Variants in CELF5 observed in about 807,000 individuals in gnomAD.
The protein encoded by CELF5 is CUG-BP and ETR-3 like factor 5.
A neutral mutation model predicts 54.9 loss-of-function variants in CELF5; 6 were observed. The ratio of observed to expected loss-of-function variants is 0.11; its 90% CI spans 0.06 to 0.22. The LOEUF (loss-of-function observed/expected upper bound fraction) is 0.22, where lower values mean the gene tolerates loss of function less well. Ranked by LOEUF, CELF5 falls within the 10% of genes least tolerant of loss-of-function variation. CELF5 has a pLI of 1.00. For synonymous variants in CELF5, 271 were observed against 290.9 expected (o/e 0.93, Z 0.70); for missense variants, 401 against 678.6 (o/e 0.59, Z 4.54).
At chr19:3,259,215 G>A (rs1254503023) in intron 2 of CELF5, among the ~76,000 whole-genome samples, 2 of 152,156 alleles carry the variant, frequency 1.3e-5, no homozygotes, top group Non-Finnish European at 2.9e-5. Context: ...GGGAGCCTCT[G>A]TCAGCTAATG....
At chr19:3,244,085 T>C (rs1293325176) in intron 1 of CELF5, among the ~76,000 whole-genome samples, 1 of 152,012 alleles carries the variant, frequency 6.6e-6, no homozygotes. Flanking sequence ...CAAAGCTCTA[T>C]TTATCCAGGG....
intron 12 of CELF5, chr19:3,296,353 A>AC (rs1181483174): frequency 6.7e-6 from 1 of 148,972 alleles, no homozygotes; most frequent in Non-Finnish European, 1.5e-5. Context: ...AAAAAAAAAA[A>AC]AACCAAGCAT....
At chr19:3,246,712 C>T (rs2145044250) in intron 1 of CELF5, among the ~76,000 whole-genome samples, 1 of 151,966 alleles carries the variant, frequency 6.6e-6, no homozygotes, top group South Asian at 2.1e-4. Flanking sequence ...GACCCTGTCT[C>T]AAAAAAACAA....
intron 1 of CELF5, among the ~76,000 whole-genome samples, chr19:3,230,372 C>CTG (rs1917198076): frequency 6.6e-6 from 1 of 152,212 alleles, no homozygotes; most frequent in Admixed American, 6.5e-5. Flanking sequence ...GAAACACTTA[C>CTG]TGTGTTCCAG....
chr19:3,249,369 G>A (rs964146165), intron 1 of CELF5, among the ~76,000 whole-genome samples: 1 of 152,192 alleles, frequency 6.6e-6, no homozygotes, highest in Non-Finnish European at 1.5e-5. Context: ...TAGGCTTTCA[G>A]GGCGAGGGCG....
chr19:3,291,927 AGACTCTTTTTTTTT>A (rs1256644680), intron 11 of CELF5, among the ~76,000 whole-genome samples: 2 of 115,756 alleles, frequency 1.7e-5, no homozygotes. Context: ...GAGTAGAACC[AGACTCTTTTTTTTT>A]GTTTTGTTTT....
intron 2 of CELF5, chr19:3,270,573 G>T (rs1205830106): frequency 6.8e-6 from 1 of 146,994 alleles, no homozygotes. Context: ...GGGCCCGAGC[G>T]TGCAGTGCGG....
intron 1 of CELF5, among the ~76,000 whole-genome samples, chr19:3,248,919 T>C (rs1568337923): frequency 8.2e-6 from 1 of 121,824 alleles, no homozygotes; most frequent in African/African-American, 3.0e-5. Flanking sequence ...TCTTTCTTTC[T>C]TTCTTTCTTT....
At chr19:3,225,306 C>T (rs1340589735) in intron 1 of CELF5, among the ~76,000 whole-genome samples, 2 of 113,338 alleles carry the variant, frequency 1.8e-5, no homozygotes, top group Non-Finnish European at 3.7e-5. Context: ...TCTCTCCCAT[C>T]TCCCTCGACC....
intron 1 of CELF5, among the ~76,000 whole-genome samples, chr19:3,238,769 TA>T (rs2145010420): frequency 6.6e-6 from 1 of 152,160 alleles, no homozygotes; most frequent in Admixed American, 6.5e-5. Context: ...CTGTCTCTAC[TA>T]AAAATACAAA....
chr19:3,238,650 G>A (rs1457874419), intron 1 of CELF5, among the ~76,000 whole-genome samples: 1 of 152,142 alleles, frequency 6.6e-6, no homozygotes, highest in Admixed American at 6.6e-5. Context: ...GGACACTTGA[G>A]GCCGGGTGTG....
chr19:3,294,507 C>T (rs1460920134), intron 12 of CELF5: 2 of 152,146 alleles, frequency 1.3e-5, no homozygotes, highest in African/African-American at 4.8e-5. Context: ...GGCCTTTTCA[C>T]CTTCTCCCGG....
Position 3,274,018 on chromosome 19 carries a change from G to A in CELF5, c.394+95G>A, listed in dbSNP as rs996231550. On this transcript the variant is annotated intron_variant, in intron 3 of 12. Transcript: ENST00000292672. The stretch of plus-strand genomic sequence containing the variant: ...CTTCCTCTCTCCTGCAAAAGGGGCA[G>A]TGGCCGAGGCCTGTGGATCTGGAAC... The A allele has an allele frequency of 3.9e-6, 5 of 1,287,870 alleles. No homozygotes were observed. The African/African-American group carries it at 7.3e-5, about 19-fold the overall frequency. The allele number at this position is 1,287,870 out of a possible 1,614,324, so 79.8% of individuals were successfully genotyped here. A position where few individuals can be genotyped will look rare whatever the true frequency, so the allele number is the denominator to read the frequency against.
At chr19:3,243,223 G>GT (rs946976202) in intron 1 of CELF5, among the ~76,000 whole-genome samples, 18 of 151,932 alleles carry the variant, frequency 1.2e-4, no homozygotes, top group African/African-American at 4.1e-4. Flanking sequence ...GTATGTGTGT[G>GT]TTTTTTAATT....
At chr19:3,257,578 C>A (rs937569579) in intron 2 of CELF5, among the ~76,000 whole-genome samples, 1 of 150,314 alleles carries the variant, frequency 6.7e-6, no homozygotes, top group Non-Finnish European at 1.5e-5. Context: ...CGGGTTCAAG[C>A]GATTCTCCTG....
At chr19:3,290,131 C>A in intron 10 of CELF5, 100 bp from the exon 11 acceptor site, 1 of 879,000 alleles carries the variant, frequency 1.1e-6, no homozygotes, top group Non-Finnish European at 1.8e-6. Flanking sequence ...CTCCCGACAG[C>A]TGGAGAAGCC....
At position 3,224,980 on chromosome 19, in the gene CELF5, T is replaced by C; in HGVS notation, c.241T>C (p.Tyr81His). The part of the protein sequence containing the change: ...IYELTVLKDP[Y>H]TGMHKGCAFL... ...CGAGCTCACGGTGCTCAAAGACCCC[T>C]ACACGGGGATGCACAAAGGTGGGCG... The change falls in exon 1 of 13, where the codon TAC (tyrosine) becomes CAC (histidine). Residue 81 changes from tyrosine to histidine, a missense_variant. Physicochemically the swap from Tyr to His is moderately conservative, Grantham distance 83 (BLOSUM62 2). Coordinates refer to ENST00000292672, the MANE Select transcript of CELF5 (RefSeq NM_021938.4). The C allele has an allele frequency of 6.3e-7, 1 of 1,593,450 alleles. No individual in the cohort carries two copies. The highest frequency in any genetic ancestry group is 8.5e-7 in the Non-Finnish European group (1 of 1,170,378).
At chr19:3,287,988 T>C (rs1321209141) in intron 10 of CELF5, among the ~76,000 whole-genome samples, 7 of 152,094 alleles carry the variant, frequency 4.6e-5, no homozygotes. Flanking sequence ...GGGAGGGTTG[T>C]CTGAAATCAG....
In CELF5 at chr19:3,281,384, T is replaced by G. The variant is rs1334629815; in HGVS notation, c.750+39T>G. ...TGACAGCTTCGGGGCTCCGGCTCCG[T>G]CTCTCTCAGTCTCTGTCTACTCTCT... On this transcript the variant is annotated intron_variant, in intron 6 of 12. Transcript: ENST00000292672. The surrounding 1 kb of genome is among the most constrained non-coding windows in gnomAD (Gnocchi z 6.5). The G allele has an allele frequency of 6.4e-7, 1 of 1,569,812 alleles. No individual in the cohort carries two copies. Among genetic ancestry groups the G allele is most frequent in the African/African-American group, 1.3e-5 (1 of 74,404 alleles).
Sources: allele counts gnomAD v4.1 joint callset (sites outside exome capture counted in the v4.1 genomes callset), GRCh38; gene constraint gnomAD v4.1.1; non-coding constraint Gnocchi (gnomAD v3.1); transcripts MANE v1.5; gene names NCBI Gene and HGNC (gene_info 2026-07-23, HGNC 2026-07-21).